Variants in KIAA1328 observed in about 807,000 individuals in gnomAD.
The protein encoded by KIAA1328 is KIAA1328, also known as protein hinderin.
Under a neutral mutation model 68.1 loss-of-function variants are expected in KIAA1328, and 52 were observed. The observed-to-expected ratio is 0.76, with a 90% CI of 0.61 to 0.96. KIAA1328 has a LOEUF of 0.96. Ranked by LOEUF, KIAA1328 falls within the 40% of genes least tolerant of loss-of-function variation. The pLI is 0.00. For synonymous variants in KIAA1328, 232 were observed against 239.4 expected (o/e 0.97, Z 0.28); for missense variants, 641 against 677.6 (o/e 0.95, Z 0.60).
intron 9 of KIAA1328, among the ~76,000 whole-genome samples, chr18:37,182,065 T>C (rs1294475515): frequency 6.6e-6 from 1 of 152,144 alleles, no homozygotes; most frequent in African/African-American, 2.4e-5. Context: ...TTCTCCAGGG[T>C]ACTGAACTCT....
intron 6 of KIAA1328, among the ~76,000 whole-genome samples, chr18:36,972,489 C>A (rs778205365): frequency 6.6e-6 from 1 of 152,056 alleles, no homozygotes. Context: ...GTTACCATGT[C>A]GGGGGAGGGG....
intron 7 of KIAA1328, among the ~76,000 whole-genome samples, chr18:37,137,552 T>C (rs1336602612): frequency 6.6e-6 from 1 of 152,200 alleles, no homozygotes; most frequent in Non-Finnish European, 1.5e-5. Context: ...CTTTTTACTT[T>C]TTAATCCTCA....
In KIAA1328 at chr18:37,067,478, G is replaced by T; in HGVS notation, c.1165G>T (p.Ala389Ser). 6.4e-7 allele frequency: 1 copy of T among 1,553,974 alleles called. No individual in the cohort carries two copies. Residue 389 changes from alanine to serine, a missense_variant, in exon 7 of 10, where the codon GCC becomes TCC. Coordinates refer to ENST00000280020, the MANE Select transcript of KIAA1328 (RefSeq NM_020776.3). ...AAAGGAGCGCCTTCAGCATCTGCTGGCCCAGCAGGAGACAAAGCTTCTTCT... is the reference window on the plus strand; with the variant it reads ...AAAGGAGCGCCTTCAGCATCTGCTGTCCCAGCAGGAGACAAAGCTTCTTCT... ...IEKERLQHLL[A>S]QQETKLLLKQ...
At chr18:37,140,215 C>A (rs1195208972) in intron 7 of KIAA1328, among the ~76,000 whole-genome samples, 1 of 151,910 alleles carries the variant, frequency 6.6e-6, no homozygotes, top group Admixed American at 6.6e-5. Context: ...GATGAGAATA[C>A]CAATCTGCTC....
In KIAA1328 at chr18:36,829,212, C is replaced by T; in HGVS notation, c.58+16C>T. On this transcript the variant is annotated intron_variant, in intron 1 of 9. Transcript: ENST00000280020. Reference sequence around the variant, plus strand: ...AGCCGGGACTGTATCCTTTGCCCGCCTGACAGGGGGCGCCGGCGCCCTCCA... The same window carrying T: ...AGCCGGGACTGTATCCTTTGCCCGCTTGACAGGGGGCGCCGGCGCCCTCCA... The T allele has an allele frequency of 6.6e-7, 1 of 1,512,092 alleles. No homozygotes were observed. Among genetic ancestry groups the T allele is most frequent in the Non-Finnish European group, 8.8e-7 (1 of 1,132,100 alleles). The allele number at this position is 1,512,092 out of a possible 1,614,324, so 93.7% of individuals were successfully genotyped here. A position where few individuals can be genotyped will look rare whatever the true frequency, so the allele number is the denominator to read the frequency against.
At chr18:36,863,513 C>T (rs1240396205) in intron 4 of KIAA1328, among the ~76,000 whole-genome samples, 1 of 152,066 alleles carries the variant, frequency 6.6e-6, no homozygotes, top group African/African-American at 2.4e-5. Flanking sequence ...CTGTGCCTTT[C>T]CACAATAATT....
intron 6 of KIAA1328, among the ~76,000 whole-genome samples, chr18:36,959,916 GTATT>G (rs1184782628): frequency 6.6e-6 from 1 of 152,166 alleles, no homozygotes; most frequent in African/African-American, 2.4e-5. Flanking sequence ...ATGTAGGAGA[GTATT>G]TATATAAGCG....
At chr18:36,990,670 A>G (rs923847998) in intron 6 of KIAA1328, among the ~76,000 whole-genome samples, 1 of 150,742 alleles carries the variant, frequency 6.6e-6, no homozygotes, top group Non-Finnish European at 1.5e-5. Flanking sequence ...GACTCCGTCT[A>G]AATATATATA....
At chr18:37,207,090 A>G (rs2060230230) in intron 9 of KIAA1328, among the ~76,000 whole-genome samples, 1 of 152,154 alleles carries the variant, frequency 6.6e-6, no homozygotes, top group Non-Finnish European at 1.5e-5. Flanking sequence ...GTTGGAGGTA[A>G]AAAGGAGAAA....
At chr18:36,879,361 C>G (rs776851364) in intron 4 of KIAA1328, among the ~76,000 whole-genome samples, 1 of 152,216 alleles carries the variant, frequency 6.6e-6, no homozygotes, top group South Asian at 2.1e-4. Flanking sequence ...GGCTGCAGAA[C>G]AGCAAAGATT....
intron 6 of KIAA1328, among the ~76,000 whole-genome samples, chr18:37,053,807 A>G (rs1461016401): frequency 6.6e-6 from 1 of 152,096 alleles, no homozygotes; most frequent in Non-Finnish European, 1.5e-5. Flanking sequence ...TTCCTCCCCC[A>G]ACACGTGAGG....
rs116461638 is a variant in KIAA1328 at position 37,222,331 on chromosome 18, G to T, written c.*104G>T. On this transcript the variant is annotated 3_prime_UTR_variant, in exon 10 of 10. Coordinates refer to ENST00000280020, the MANE Select transcript of KIAA1328 (RefSeq NM_020776.3). Reference sequence around the variant, plus strand: ...GTAATTGTGTCTCTCCTTTCACGGGGACTTGTCTCACTAGCATCCTGTTAC... The same window carrying T: ...GTAATTGTGTCTCTCCTTTCACGGGTACTTGTCTCACTAGCATCCTGTTAC... 2.1e-5 allele frequency: 32 copies of T among 1,499,602 alleles called. No individual in the cohort carries two copies. Among genetic ancestry groups the T allele is most frequent in the Non-Finnish European group, 2.8e-5 (32 of 1,126,944 alleles). The allele number at this position is 1,499,602 out of a possible 1,614,324, so 92.9% of individuals were successfully genotyped here. A position where few individuals can be genotyped will look rare whatever the true frequency, so the allele number is the denominator to read the frequency against.
At chr18:37,038,969 CTTTTGG>C (rs1568324313) in intron 6 of KIAA1328, among the ~76,000 whole-genome samples, 1 of 151,996 alleles carries the variant, frequency 6.6e-6, no homozygotes, top group Non-Finnish European at 1.5e-5. Context: ...TGGAGATGAT[CTTTTGG>C]TTTTGGGGTT....
At chr18:37,227,290 A>T (rs1189069630), downstream of KIAA1328, among the ~76,000 whole-genome samples, 1 of 152,240 alleles carries the variant, frequency 6.6e-6, no homozygotes, top group East Asian at 1.9e-4. Flanking sequence ...TATCTGGAAG[A>T]TCTACCTAGG....
At chr18:36,942,406 A>G (rs1156899060) in intron 5 of KIAA1328, among the ~76,000 whole-genome samples, 2 of 152,218 alleles carry the variant, frequency 1.3e-5, no homozygotes, top group Non-Finnish European at 2.9e-5. Flanking sequence ...GCTTTGTTAG[A>G]GACATAGAAC....
chr18:37,134,302 C>T (rs571399461), intron 7 of KIAA1328, among the ~76,000 whole-genome samples: 14 of 152,212 alleles, frequency 9.2e-5, no homozygotes, highest in African/African-American at 2.4e-4. Flanking sequence ...TGAGCCACTG[C>T]GCCTGGCTAC....
Position 37,224,319 on chromosome 18 carries a change from C to G in KIAA1328, c.*2092C>G. ...AGAAGAATCGTAAACAGAGTCTAAA[C>G]TAAAGGCTTTTTGGGGGTCACAGCC... On this transcript the variant is annotated 3_prime_UTR_variant, in exon 10 of 10. Transcript: ENST00000280020. 1.0e-6 allele frequency: 1 copy of G among 985,386 alleles called. No individual in the cohort carries two copies. The highest frequency in any genetic ancestry group is 1.2e-6 in the Non-Finnish European group (1 of 829,926). The allele number at this position is 985,386 out of a possible 1,614,324, so 61.0% of individuals were successfully genotyped here. A position where few individuals can be genotyped will look rare whatever the true frequency, so the allele number is the denominator to read the frequency against.
chr18:37,028,523 T>C (rs1183974604), intron 6 of KIAA1328, among the ~76,000 whole-genome samples: 1 of 152,044 alleles, frequency 6.6e-6, no homozygotes, highest in Non-Finnish European at 1.5e-5. Context: ...TTTTTTTTTT[T>C]CTTGCCTGAT....
intron 4 of KIAA1328, among the ~76,000 whole-genome samples, chr18:36,846,522 T>C (rs888535408): frequency 9.9e-5 from 15 of 151,680 alleles, no homozygotes; most frequent in African/African-American, 3.6e-4. Context: ...CAGATTTCAG[T>C]GAGGTTTGAC....
Sources: gnomAD v4.1 joint callset for allele counts (sites outside exome capture counted in the v4.1 genomes callset) on GRCh38, gnomAD v4.1.1 for gene constraint, MANE v1.5 for transcripts, NCBI Gene and HGNC (gene_info 2026-07-23, HGNC 2026-07-21) for gene names.